The following CCDC149 variants were observed in gnomAD, a reference collection of about 807,000 sequenced individuals.
CCDC149 encodes coiled-coil domain containing 149, also known as coiled-coil domain-containing protein 149.
Under a neutral mutation model 59.9 loss-of-function variants are expected in CCDC149, and 45 were observed. The ratio of observed to expected loss-of-function variants is 0.75; its 90% CI spans 0.59 to 0.96. The LOEUF (loss-of-function observed/expected upper bound fraction) is 0.96, where lower values mean the gene tolerates loss of function less well. Ranked by LOEUF, CCDC149 falls within the 40% of genes least tolerant of loss-of-function variation. The probability of loss-of-function intolerance (pLI) is 0.00; values close to 1 mark genes in which losing one functional copy is unlikely to be tolerated. For missense variants in CCDC149, 584 were observed against 664.7 expected (o/e 0.88, Z 1.33); for synonymous variants, 245 against 260.6 (o/e 0.94, Z 0.58).
chr4:24,853,422 A>T (rs1473169308), intron 3 of CCDC149, among the ~76,000 whole-genome samples: 1 of 152,114 alleles, frequency 6.6e-6, no homozygotes, highest in African/African-American at 2.4e-5. Flanking sequence ...TGGCTCACAG[A>T]GGGTACTTGA....
chr4:24,810,697 C>T (rs1249117969), intron 12 of CCDC149, among the ~76,000 whole-genome samples: 2 of 152,062 alleles, frequency 1.3e-5, no homozygotes, highest in South Asian at 2.1e-4. Flanking sequence ...ATGGGCAAGC[C>T]AGAAACAGAA....
At chr4:24,838,043 G>A (rs1471009955) in intron 5 of CCDC149, 113 bp downstream of exon 5, 8 of 851,100 alleles carry the variant, frequency 9.4e-6, no homozygotes, top group Non-Finnish European at 1.4e-5. Flanking sequence ...AGCATTCAAC[G>A]TGCATCCCAG....
chr4:24,900,708 C>T (rs1721116493), intron 1 of CCDC149, among the ~76,000 whole-genome samples: 1 of 152,226 alleles, frequency 6.6e-6, no homozygotes, highest in Non-Finnish European at 1.5e-5. Flanking sequence ...TTAAGCCAAG[C>T]CAAATAAGGC....
intron 1 of CCDC149, among the ~76,000 whole-genome samples, chr4:24,926,264 A>C (rs572089840): frequency 6.6e-6 from 1 of 152,370 alleles, no homozygotes; most frequent in Admixed American, 6.5e-5. Context: ...TATAGGGAAC[A>C]GAAAGAAGTT....
rs1560210395 is a variant in CCDC149 at position 24,838,189 on chromosome 4, G to C, written c.456C>G (p.Asp152Glu). The stretch of plus-strand genomic sequence containing the variant: ...TAGCTCGCTCTAGCTGCTGCACCAA[G>C]TCTTCACGCTCATGGGCTGCAAAGT... Residue 152 changes from aspartate to glutamate, a missense_variant, in exon 5 of 13, where the codon GAC becomes GAG. By Grantham distance (45) the Asp-to-Glu change is conservative (BLOSUM62 2). Transcript: ENST00000635206. 1.2e-6 allele frequency: 2 copies of C among 1,614,162 alleles called. No homozygotes were observed. Among genetic ancestry groups the C allele is most frequent in the East Asian group, 2.2e-5 (1 of 44,878 alleles).
chr4:24,812,000 G>A (rs779823598), intron 12 of CCDC149, among the ~76,000 whole-genome samples: 2 of 152,154 alleles, frequency 1.3e-5, no homozygotes, highest in Non-Finnish European at 2.9e-5. Context: ...GTTTGTGGCT[G>A]CATCCTTCCA....
rs1714281340 is a variant in CCDC149 at position 24,807,536 on chromosome 4, G to A, written c.*853C>T. On this transcript the variant is annotated 3_prime_UTR_variant, in exon 13 of 13. Coordinates refer to ENST00000635206, the MANE Select transcript of CCDC149 (RefSeq NM_001330643.2). The stretch of plus-strand genomic sequence containing the variant: ...GTAGATCTTTCCCAAACCTGAAATG[G>A]CCATACAATCCTGTATGTGAGACAG... 1 of 152,114 alleles carries A rather than the reference G, an allele frequency of 6.6e-6. No homozygotes were observed. Among genetic ancestry groups the A allele is most frequent in the Non-Finnish European group, 1.5e-5 (1 of 68,054 alleles). The allele number at this position is 152,114 out of a possible 1,614,324, so 9.4% of individuals were successfully genotyped here. A position where few individuals can be genotyped will look rare whatever the true frequency, so the allele number is the denominator to read the frequency against.
chr4:24,898,180 A>G (rs1720950953), intron 1 of CCDC149, among the ~76,000 whole-genome samples: 1 of 152,222 alleles, frequency 6.6e-6, no homozygotes, highest in Non-Finnish European at 1.5e-5. Flanking sequence ...GGTTTTCCCA[A>G]AGCCCAGGCA....
rs528234554 is a variant in CCDC149 at position 24,865,976 on chromosome 4, A to G, written c.264+7705T>C. Among the ~76,000 whole-genome samples, 9 of 152,316 alleles carry G rather than the reference A, an allele frequency of 5.9e-5. No homozygotes were observed. The South Asian group carries it at 1.7e-3, about 28-fold the overall frequency. On this transcript the variant is annotated intron_variant, in intron 3 of 12. Transcript: ENST00000635206. The stretch of plus-strand genomic sequence containing the variant: ...GTTTCCCTGGTGTAATGAAAAAATC[A>G]TACCATTCAAAGTGATATAAAAAGA...
intron 1 of CCDC149, among the ~76,000 whole-genome samples, chr4:24,970,324 C>T (rs1723922230): frequency 6.6e-6 from 1 of 152,218 alleles, no homozygotes; most frequent in South Asian, 2.1e-4. Flanking sequence ...TCAGCATCTG[C>T]AGACAACTGC....
chr4:24,888,372 GA>G (rs74476873), intron 1 of CCDC149, among the ~76,000 whole-genome samples: 6,672 of 150,006 alleles, frequency 0.044, 420 homozygotes, highest in East Asian at 0.23. Flanking sequence ...ATGCTTTGCA[GA>G]AAAAAAAAAT....
intron 1 of CCDC149, among the ~76,000 whole-genome samples, chr4:24,975,570 G>A (rs1724149283): frequency 1.5e-5 from 2 of 137,826 alleles, no homozygotes; most frequent in African/African-American, 3.1e-5. Flanking sequence ...GGAGAGGGGA[G>A]GGGAAGAGAG....
rs3066470 is a variant in CCDC149 at position 24,866,823 on chromosome 4, CCACACACACACACA to C, written c.264+6844_264+6857del. Among the ~76,000 whole-genome samples the C allele has an allele frequency of 4.2e-5, 6 of 142,216 alleles. No homozygotes were observed. In the South Asian group the frequency reaches 1.1e-3, roughly 27 times the overall value. The allele number at this position is 142,216 out of a possible 152,430, so 93.3% of individuals were successfully genotyped here. On this transcript the variant is annotated intron_variant, in intron 3 of 12. Coordinates refer to ENST00000635206, the MANE Select transcript of CCDC149 (RefSeq NM_001330643.2). ...AAAAAAAATATACACACACACACACCCACACACACACACACACACACGTGCATATATATTGATTG... is the reference window on the plus strand; with the variant it reads ...AAAAAAAATATACACACACACACACCCACACACGTGCATATATATTGATTG...
intron 1 of CCDC149, among the ~76,000 whole-genome samples, chr4:24,893,849 G>A (rs562152231): frequency 6.1e-4 from 92 of 151,728 alleles, no homozygotes; most frequent in African/African-American, 2.1e-3. Flanking sequence ...CAGGTGATCC[G>A]CCCGCCTCGG....
intron 1 of CCDC149, among the ~76,000 whole-genome samples, chr4:24,911,567 G>A (rs751517754): frequency 4.6e-5 from 7 of 152,194 alleles, no homozygotes; most frequent in Admixed American, 2.6e-4. Flanking sequence ...AAGGTCCCCA[G>A]AGGATCTGCC....
chr4:24,942,077 G>C (rs555068374), intron 1 of CCDC149, among the ~76,000 whole-genome samples: 1 of 152,236 alleles, frequency 6.6e-6, no homozygotes, highest in South Asian at 2.1e-4. Flanking sequence ...ACCAAAGCCT[G>C]GCAGAGATAC....
downstream of CCDC149, among the ~76,000 whole-genome samples, chr4:24,805,616 C>T (rs1264573121): frequency 6.6e-6 from 1 of 152,206 alleles, no homozygotes; most frequent in African/African-American, 2.4e-5. Flanking sequence ...TGAACCTAAA[C>T]AGATCATGGT....
intron 1 of CCDC149, among the ~76,000 whole-genome samples, chr4:24,927,256 C>A (rs1172609992): frequency 6.6e-6 from 1 of 152,176 alleles, no homozygotes; most frequent in Non-Finnish European, 1.5e-5. Context: ...TGTTTATGGC[C>A]AGACCCCTGT....
chr4:24,950,243 T>C (rs1723245157), intron 1 of CCDC149, among the ~76,000 whole-genome samples: 1 of 152,236 alleles, frequency 6.6e-6, no homozygotes, highest in South Asian at 2.1e-4. Flanking sequence ...TGCCCAGGGC[T>C]GAATCCAGTC....
Sources: allele counts gnomAD v4.1 joint callset (sites outside exome capture counted in the v4.1 genomes callset), GRCh38; gene constraint gnomAD v4.1.1; transcripts MANE v1.5; gene names NCBI Gene and HGNC (gene_info 2026-07-23, HGNC 2026-07-21).